Variants in FOXN3 observed in about 807,000 individuals in gnomAD.
FOXN3 encodes forkhead box N3, also known as forkhead box protein N3.
In FOXN3, 7 loss-of-function variants were observed where a neutral mutation model predicts 38.4. The observed-to-expected ratio is 0.18, with a 90% CI of 0.10 to 0.34. FOXN3 has a LOEUF of 0.34. Ranked by LOEUF, FOXN3 falls within the 10% of genes least tolerant of loss-of-function variation. The pLI is 1.00. For missense variants in FOXN3, 456 were observed against 613.4 expected, an observed-to-expected ratio of 0.74 and a Z score of 2.71; for synonymous variants, 230 against 242.2, an observed-to-expected ratio of 0.95 and a Z score of 0.47.
chr14:89,514,367 G>C (rs1894160644), intron 1 of FOXN3, among the ~76,000 whole-genome samples: 1 of 152,208 alleles, frequency 6.6e-6, no homozygotes, highest in African/African-American at 2.4e-5. Context: ...CTTAGCGTCT[G>C]TGATGGCAAA....
chr14:89,460,499 C>T (rs1045583243), intron 1 of FOXN3, among the ~76,000 whole-genome samples: 1 of 152,182 alleles, frequency 6.6e-6, no homozygotes, highest in Non-Finnish European at 1.5e-5. Context: ...TCATTTGTCC[C>T]GCTTCTTGTT....
intron 5 of FOXN3, among the ~76,000 whole-genome samples, chr14:89,178,062 C>A (rs1402567062): frequency 5.3e-5 from 8 of 152,166 alleles, no homozygotes; most frequent in Non-Finnish European, 1.5e-5. Context: ...GGCTGGAGTG[C>A]AGTGGAGTAA....
chr14:89,441,991 A>T (rs1892397236), intron 1 of FOXN3, among the ~76,000 whole-genome samples: 2 of 137,814 alleles, frequency 1.5e-5, no homozygotes, highest in Middle Eastern at 9.0e-3. Flanking sequence ...CAATGGCATG[A>T]TCTCGGCTCA....
chr14:89,504,573 C>T (rs1481363880), intron 1 of FOXN3, among the ~76,000 whole-genome samples: 2 of 152,220 alleles, frequency 1.3e-5, no homozygotes, highest in Non-Finnish European at 2.9e-5. Context: ...CCCAGAACCA[C>T]AGCCCTGCAG....
intron 2 of FOXN3, among the ~76,000 whole-genome samples, chr14:89,391,524 A>G (rs761914906): frequency 2.6e-4 from 39 of 152,124 alleles, no homozygotes; most frequent in Non-Finnish European, 5.4e-4. Context: ...CCCCCAAACA[A>G]AGGCTGCTTC....
At chr14:89,392,798 G>A (rs11844284) in intron 2 of FOXN3, among the ~76,000 whole-genome samples, 1 of 119,014 alleles carries the variant, frequency 8.4e-6, no homozygotes, top group South Asian at 2.7e-4. Flanking sequence ...AGACCACCAC[G>A]CCCAGCTAAT....
At chr14:89,224,634 T>C (rs80298460) in intron 4 of FOXN3, among the ~76,000 whole-genome samples, 2,700 of 152,280 alleles carry the variant, frequency 0.018, 25 homozygotes, top group Non-Finnish European at 0.028. Flanking sequence ...AGGAGAGATG[T>C]AAATATGTGC....
Position 89,350,723 on chromosome 14 carries a change from G to A in FOXN3, c.629C>T (p.Pro210Leu). 1 of 1,603,186 alleles carries A rather than the reference G, an allele frequency of 6.2e-7. No homozygotes were observed. The highest frequency in any genetic ancestry group is 8.5e-7 in the Non-Finnish European group (1 of 1,175,914). The change falls in exon 3 of 6, where the codon CCA (proline) becomes CTA (leucine). Residue 210 changes from proline (P) to leucine (L), a missense_variant. This residue lies in a region of FOXN3 where 386 missense variants were observed against 505.2 expected (regional missense o/e 0.76). Coordinates refer to ENST00000557258, the MANE Select transcript of FOXN3 (RefSeq NM_005197.4). ...AGGTGTATTGAACACGTGTGGGTGT[G>A]GGTGATAAGGTGTCTTTTTCAAAGC... is the stretch of plus-strand genomic sequence containing the variant. ...IQALKKTPYHPHPHVFNTPPT... is the reference protein window; with the variant it reads ...IQALKKTPYHLHPHVFNTPPT...
intron 3 of FOXN3, 27 bp downstream of exon 3, chr14:89,350,645 C>A: frequency 4.7e-6 from 7 of 1,476,370 alleles, no homozygotes; most frequent in South Asian, 1.4e-5. Flanking sequence ...TTCAGTAGAC[C>A]AAAAAAAAGA....
intron 1 of FOXN3, among the ~76,000 whole-genome samples, chr14:89,506,261 G>A (rs1238387617): frequency 3.0e-5 from 2 of 67,402 alleles, no homozygotes; most frequent in African/African-American, 7.6e-5. Flanking sequence ...CAGCCGCCCC[G>A]TCCGGGAGGG....
chr14:89,176,550 A>C (rs1220392025), intron 5 of FOXN3, among the ~76,000 whole-genome samples: 1 of 152,248 alleles, frequency 6.6e-6, no homozygotes, highest in Non-Finnish European at 1.5e-5. Context: ...GAGCACACAC[A>C]GAATACTTGG....
intron 2 of FOXN3, chr14:89,351,011 G>T (rs1888946062): frequency 2.6e-6 from 1 of 379,688 alleles, no homozygotes; most frequent in East Asian, 3.9e-5. Flanking sequence ...TAGGCAAAAT[G>T]AACATATTAT....
intron 2 of FOXN3, among the ~76,000 whole-genome samples, chr14:89,368,631 G>C (rs1165074552): frequency 6.6e-6 from 1 of 152,174 alleles, no homozygotes; most frequent in Non-Finnish European, 1.5e-5. Context: ...GGGTGACAGA[G>C]TGAGACCCTG....
chr14:89,228,224 T>C (rs1884700664), intron 4 of FOXN3, among the ~76,000 whole-genome samples: 1 of 152,264 alleles, frequency 6.6e-6, no homozygotes, highest in Non-Finnish European at 1.5e-5. Flanking sequence ...TTTGATGGTC[T>C]GATAAAAGAG....
At chr14:89,436,519 G>T (rs1892279391) in intron 1 of FOXN3, among the ~76,000 whole-genome samples, 1 of 152,106 alleles carries the variant, frequency 6.6e-6, no homozygotes, top group Admixed American at 6.6e-5. Context: ...CACCCTTGTG[G>T]TCTGGGTGGG....
intron 1 of FOXN3, among the ~76,000 whole-genome samples, chr14:89,579,878 C>T (rs12436544): frequency 6.6e-6 from 1 of 151,886 alleles, no homozygotes; most frequent in African/African-American, 2.4e-5. Flanking sequence ...TAGAAGGAAC[C>T]CCGACTCTCT....
chr14:89,313,669 T>G (rs1407853850), intron 3 of FOXN3, among the ~76,000 whole-genome samples: 1 of 141,712 alleles, frequency 7.1e-6, no homozygotes, highest in Non-Finnish European at 1.5e-5. Context: ...TAAAGTCACA[T>G]GTGAAAAGAT....
At chr14:89,352,858 C>A (rs1596206258) in intron 2 of FOXN3, among the ~76,000 whole-genome samples, 1 of 152,092 alleles carries the variant, frequency 6.6e-6, no homozygotes, top group East Asian at 1.9e-4. Flanking sequence ...TTTACTGTAC[C>A]CTTGTATACC....
intron 4 of FOXN3, among the ~76,000 whole-genome samples, chr14:89,277,713 G>A (rs1366076330): frequency 3.3e-5 from 5 of 152,152 alleles, no homozygotes; most frequent in African/African-American, 7.2e-5. Context: ...ACCAAACAAC[G>A]ATTTGACAAT....
Sources: gnomAD v4.1 joint callset for allele counts (sites outside exome capture counted in the v4.1 genomes callset) on GRCh38, gnomAD v4.1.1 for gene constraint, gnomAD v4.1.1 regional missense constraint, MANE v1.5 for transcripts, NCBI Gene and HGNC (gene_info 2026-07-23, HGNC 2026-07-21) for gene names.